TANC1: variants seen among roughly 807,000 people sequenced by gnomAD.
TANC1 encodes protein TANC1.
A neutral mutation model predicts 149.7 loss-of-function variants in TANC1; 77 were observed. The ratio of observed to expected loss-of-function variants is 0.51; its 90% CI spans 0.43 to 0.62. The LOEUF (loss-of-function observed/expected upper bound fraction) is 0.62. TANC1 is among the 20% of genes least tolerant of loss of function. The pLI is 0.00. For missense variants in TANC1, 1,985 were observed against 2,321.8 expected, an observed-to-expected ratio of 0.85 and a Z score of 2.98; for synonymous variants, 854 against 925.0, an observed-to-expected ratio of 0.92 and a Z score of 1.39.
intron 7 of TANC1, among the ~76,000 whole-genome samples, chr2:159,155,941 C>T (rs930141065): frequency 2.6e-5 from 4 of 152,162 alleles, no homozygotes; most frequent in Non-Finnish European, 5.9e-5. Flanking sequence ...TTGACTCTCT[C>T]CTACCTCCTG....
At chr2:159,012,431 G>T (rs1184612347) in intron 2 of TANC1, among the ~76,000 whole-genome samples, 1 of 149,938 alleles carries the variant, frequency 6.7e-6, no homozygotes, top group Non-Finnish European at 1.5e-5. Context: ...AAATACCTTG[G>T]CACTCTATTT....
intron 3 of TANC1, among the ~76,000 whole-genome samples, chr2:159,092,149 A>G (rs989339021): frequency 5.9e-5 from 9 of 152,142 alleles, no homozygotes; most frequent in African/African-American, 2.2e-4. Context: ...TTTCTATTCT[A>G]AGCTTCTATC....
At chr2:159,151,566 C>T (rs377596564) in intron 7 of TANC1, among the ~76,000 whole-genome samples, 4 of 152,192 alleles carry the variant, frequency 2.6e-5, no homozygotes, top group African/African-American at 9.7e-5. Context: ...ATGGAATGAA[C>T]GACCTTTGAG....
chr2:159,004,366 C>G, intron 2 of TANC1: 1 of 1,537,564 alleles, frequency 6.5e-7, no homozygotes, highest in South Asian at 1.1e-5. Context: ...TTGAACAAAT[C>G]AGCTATGTGG....
chr2:159,136,047 T>TGTGTGGGTGTGTGC (rs1457762905), intron 4 of TANC1, 147 bp from the exon 5 acceptor site: 1 of 209,118 alleles, frequency 4.8e-6, no homozygotes, highest in Non-Finnish European at 9.2e-6. Context: ...TGTGTGTGTG[T>TGTGTGGGTGTGTGC]GTGCGCGCGC....
At chr2:159,071,277 T>G (rs955864599) in intron 3 of TANC1, among the ~76,000 whole-genome samples, 2 of 152,240 alleles carry the variant, frequency 1.3e-5, no homozygotes, top group Non-Finnish European at 2.9e-5. Flanking sequence ...GATTAAGGAA[T>G]AGTTCCTTAA....
chr2:159,143,305 T>C (rs2051640992), intron 5 of TANC1, among the ~76,000 whole-genome samples: 1 of 152,060 alleles, frequency 6.6e-6, no homozygotes, highest in Admixed American at 6.5e-5. Flanking sequence ...AAAACCATTA[T>C]TTTCCAAATG....
chr2:159,197,040 C>G (rs1315284000), intron 18 of TANC1, among the ~76,000 whole-genome samples: 1 of 152,222 alleles, frequency 6.6e-6, no homozygotes, highest in Non-Finnish European at 1.5e-5. Context: ...CATTCACTCT[C>G]AGCTCTTCCT....
At chr2:159,140,973 G>A (rs1370387574) in intron 5 of TANC1, among the ~76,000 whole-genome samples, 9 of 152,290 alleles carry the variant, frequency 5.9e-5, no homozygotes, top group Non-Finnish European at 4.4e-5. Context: ...TTACAAGTGC[G>A]AACCACTATG....
chr2:159,188,295 G>T (rs926835244), intron 16 of TANC1, among the ~76,000 whole-genome samples: 1 of 152,352 alleles, frequency 6.6e-6, no homozygotes, highest in East Asian at 1.9e-4. Flanking sequence ...ATGTCATTTT[G>T]AACAATAATT....
At chr2:158,973,661 A>G (rs1322049174) in intron 1 of TANC1, among the ~76,000 whole-genome samples, 1 of 152,216 alleles carries the variant, frequency 6.6e-6, no homozygotes, top group Non-Finnish European at 1.5e-5. Flanking sequence ...CCCACAAAGA[A>G]GAGGGTTATT....
At chr2:159,109,808 G>A (rs2047546687) in intron 4 of TANC1, among the ~76,000 whole-genome samples, 1 of 152,142 alleles carries the variant, frequency 6.6e-6, no homozygotes, top group Non-Finnish European at 1.5e-5. Context: ...ATGTATTCAA[G>A]TCAACCTTAT....
chr2:159,034,735 G>A (rs1350980324), intron 2 of TANC1, among the ~76,000 whole-genome samples: 4 of 152,178 alleles, frequency 2.6e-5, no homozygotes, highest in Non-Finnish European at 5.9e-5. Flanking sequence ...CCTCTGTTAT[G>A]TAAGCTTGCT....
In TANC1 at chr2:159,178,893, C is replaced by G. The variant is rs2056160577; in HGVS notation, c.2240C>G (p.Thr747Ser). ...YLLQCNMKFM[T>S]QSAFERALPI... The stretch of plus-strand genomic sequence containing the variant: ...CTTCAGTGCAACATGAAGTTCATGA[C>G]CCAGTCCGCCTTTGAGAGGGCACTT... The change falls in exon 14 of 27, where the codon ACC becomes AGC. Residue 747 changes from threonine to serine, a missense_variant. By Grantham distance (58) the Thr-to-Ser change is moderately conservative. Transcript: ENST00000263635. 1.9e-6 allele frequency: 3 copies of G among 1,614,234 alleles called. No individual in the cohort carries two copies. The highest frequency in any genetic ancestry group is 2.5e-6 in the Non-Finnish European group (3 of 1,180,048).
intron 5 of TANC1, 56 bp downstream of exon 5, chr2:159,136,354 T>C: frequency 9.9e-7 from 1 of 1,006,418 alleles, no homozygotes; most frequent in Non-Finnish European, 1.6e-6. Context: ...ACAATGACAC[T>C]TCATTTCTGA....
Position 159,190,212 on chromosome 2 carries a change from G to C in TANC1, c.2742+3188G>C, listed in dbSNP as rs868308485. Among the ~76,000 whole-genome samples, 3 of 152,226 alleles carry C rather than the reference G, an allele frequency of 2.0e-5. 1 individual carries two copies. Among genetic ancestry groups the C allele is most frequent in the Admixed American group, 1.3e-4 (2 of 15,288 alleles). ...TGAAAATCACACAGTAGGTTAGTTT[G>C]GGGGCTGGCTGAGAACTCACACCAC... On this transcript the variant is annotated intron_variant, in intron 16 of 26. Transcript: ENST00000263635.
chr2:159,121,405 C>T (rs1261686270), intron 4 of TANC1, among the ~76,000 whole-genome samples: 1 of 152,234 alleles, frequency 6.6e-6, no homozygotes, highest in African/African-American at 2.4e-5. Context: ...GCAATCTTCG[C>T]TTACTGCAAC....
At position 159,007,138 on chromosome 2, in the gene TANC1, G is replaced by GTTTT. The variant is rs70994252; in HGVS notation, c.-16+5971_-16+5974dup. ...TGTACTGTTTTTTATCTTTAATACTGTTTTTTTTTTTTTTTTTTTTTTTTT... is the reference window on the plus strand; with the variant it reads ...TGTACTGTTTTTTATCTTTAATACTGTTTTTTTTTTTTTTTTTTTTTTTTTTTTT... On this transcript the variant is annotated intron_variant, in intron 2 of 26. Transcript: ENST00000263635. 1.5e-3 allele frequency among the ~76,000 whole-genome samples: 104 copies of GTTTT among 69,510 alleles called. 1 individual carries two copies. The highest frequency in any genetic ancestry group is 3.7e-3 in the South Asian group (5 of 1,360). The allele number at this position is 69,510 out of a possible 152,430, so 45.6% of individuals were successfully genotyped here.
At chr2:159,043,755 A>G (rs2149544460) in intron 2 of TANC1, among the ~76,000 whole-genome samples, 1 of 152,288 alleles carries the variant, frequency 6.6e-6, no homozygotes. Flanking sequence ...AAATTTTCAC[A>G]TTTTTAATAA....
Sources: allele counts gnomAD v4.1 joint callset (sites outside exome capture counted in the v4.1 genomes callset), GRCh38; gene constraint gnomAD v4.1.1; transcripts MANE v1.5; gene names NCBI Gene and HGNC (gene_info 2026-07-23, HGNC 2026-07-21).